KLF17: variants seen among roughly 807,000 people sequenced by gnomAD.
KLF17 encodes the protein KLF transcription factor 17.
In KLF17, 31 loss-of-function variants were observed where a neutral mutation model predicts 34.2. The observed-to-expected ratio is 0.91, with a 90% CI of 0.68 to 1.22. KLF17 has a LOEUF of 1.22. Ranked by LOEUF, KLF17 falls within the 50% of genes most tolerant of loss-of-function variation. KLF17 has a pLI of 0.00. For missense variants in KLF17, 478 were observed against 505.2 expected, an observed-to-expected ratio of 0.95 and a Z score of 0.52; for synonymous variants, 179 against 186.7, an observed-to-expected ratio of 0.96 and a Z score of 0.34.
the KLF17 span, among the ~76,000 whole-genome samples, chr1:44,070,555 C>T: frequency 1.4e-5 from 2 of 143,770 alleles, no homozygotes; most frequent in African/African-American, 5.1e-5. Flanking sequence ...AAAATCCATT[C>T]TACCCCACAT....
upstream of KLF17, among the ~76,000 whole-genome samples, chr1:44,118,365 G>C (rs1260669876): frequency 1.3e-5 from 2 of 152,172 alleles, no homozygotes; most frequent in South Asian, 2.1e-4. Flanking sequence ...TCTTCAGTTC[G>C]TACAGACAAG....
rs2088152788 is a variant in KLF17, at chr1:44,135,048, TAA to T, written c.*1816_*1817del. 6.6e-6 allele frequency: 1 copy of T among 151,886 alleles called. No individual in the cohort carries two copies. The highest frequency in any genetic ancestry group is 2.1e-4 in the South Asian group (1 of 4,816). The allele number at this position is 151,886 out of a possible 1,614,324, so 9.4% of individuals were successfully genotyped here. On this transcript the variant is annotated 3_prime_UTR_variant, in exon 4 of 4. Coordinates refer to ENST00000372299, the MANE Select transcript of KLF17 (RefSeq NM_173484.4). The stretch of plus-strand genomic sequence containing the variant: ...AAAAAAAAGGAAAAAAGAAAAATAA[TAA>T]AAAATAATAAAAATCCTTAGGATAA...
intron 1 of KLF17, among the ~76,000 whole-genome samples, chr1:44,123,515 C>T (rs1035958903): frequency 1.8e-4 from 28 of 152,088 alleles, no homozygotes; most frequent in Admixed American, 1.7e-3. Flanking sequence ...TTTCTTTTTC[C>T]TTAGTTGATC....
chr1:44,114,139 G>A (rs181619229), upstream of KLF17: 2 of 152,316 alleles, frequency 1.3e-5, no homozygotes, highest in African/African-American at 4.8e-5. Context: ...AGGCTGAAAG[G>A]TGGGGCTGGC....
upstream of KLF17, among the ~76,000 whole-genome samples, chr1:44,118,274 A>G (rs1176589998): frequency 6.6e-6 from 1 of 152,200 alleles, no homozygotes; most frequent in African/African-American, 2.4e-5. Flanking sequence ...TTTTACCCCT[A>G]GTTCAGAGAT....
the KLF17 span, chr1:44,103,705 C>T: frequency 6.3e-7 from 1 of 1,581,518 alleles, no homozygotes; most frequent in South Asian, 1.1e-5. Context: ...TGGAGGGCGG[C>T]CTCCAGCTCG....
chr1:44,069,512 G>GAGAGAGAGAGAGAGAGA, the KLF17 span, among the ~76,000 whole-genome samples: 74 of 114,602 alleles, frequency 6.5e-4, no homozygotes, highest in African/African-American at 2.2e-3. The surrounding 1 kb of genome is among the most constrained non-coding windows in gnomAD (Gnocchi z 4.7). Context: ...GAGAGAGAGA[G>GAGAGAGAGAGAGAGAGA]AAGACAGGAG....
rs771953734 is a variant in KLF17, at chr1:44,129,509, C to A, written c.238C>A (p.Gln80Lys). 3.7e-6 allele frequency: 6 copies of A among 1,612,862 alleles called. No homozygotes were observed. The highest frequency in any genetic ancestry group is 5.1e-6 in the Non-Finnish European group (6 of 1,179,318). Reference protein sequence around the residue: ...SPLVSVEAPGQNVNEGGPQFS... With the variant: ...SPLVSVEAPGKNVNEGGPQFS... ...TTTGGTGTCTGTTGAGGCGCCGGGG[C>A]AGAATGTGAATGAAGGGGGGCCACA... The change falls in exon 2 of 4, where the codon CAG becomes AAG. Residue 80 changes from glutamine (Q) to lysine (K), a missense_variant. By Grantham distance (53) the Gln-to-Lys change is moderately conservative. Transcript: ENST00000372299.
the KLF17 span, chr1:44,069,932 T>C: frequency 6.6e-6 from 1 of 152,274 alleles, no homozygotes; most frequent in Non-Finnish European, 1.5e-5. The surrounding 1 kb of genome is among the most constrained non-coding windows in gnomAD (Gnocchi z 4.7). Flanking sequence ...GCCGCTGTGC[T>C]CGGTGGGTGT....
At position 44,133,541 on chromosome 1, in the gene KLF17, A is replaced by G. The variant is rs749222855; in HGVS notation, c.*304A>G. On this transcript the variant is annotated 3_prime_UTR_variant, in exon 4 of 4. Coordinates refer to ENST00000372299, the MANE Select transcript of KLF17 (RefSeq NM_173484.4). ...ATGTCTATCTTCTGGAAACTATGGC[A>G]TGGACAGTAAGGATTCAGAAGTGCA... The G allele has an allele frequency of 2.0e-5, 3 of 152,230 alleles. No individual in the cohort carries two copies. The highest frequency in any genetic ancestry group is 6.5e-5 in the Admixed American group (1 of 15,286). The allele number at this position is 152,230 out of a possible 1,614,324, so 9.4% of individuals were successfully genotyped here.
intron 1 of KLF17, among the ~76,000 whole-genome samples, chr1:44,126,706 G>A (rs1261077056): frequency 6.6e-6 from 1 of 151,986 alleles, no homozygotes; most frequent in Non-Finnish European, 1.5e-5. Flanking sequence ...TCCCAGTCTT[G>A]GAGTCAGGAA....
chr1:44,058,820 C>T, the KLF17 span, among the ~76,000 whole-genome samples: 6 of 151,456 alleles, frequency 4.0e-5, no homozygotes, highest in Admixed American at 2.6e-4. Flanking sequence ...TGAAGAGACA[C>T]GTAGAATGCT....
chr1:44,118,764 G>C (rs918500393), upstream of KLF17: 2 of 617,496 alleles, frequency 3.2e-6, no homozygotes, highest in Non-Finnish European at 5.3e-6. Flanking sequence ...GGACGGGTGG[G>C]GCCTGACCCC....
chr1:44,077,138 A>G, the KLF17 span, among the ~76,000 whole-genome samples: 2 of 152,022 alleles, frequency 1.3e-5, no homozygotes, highest in South Asian at 4.2e-4. Context: ...TTAGATCAGG[A>G]GTTCAAGACC....
chr1:44,126,016 TTTGTTTTG>T (rs1183223208), intron 1 of KLF17, among the ~76,000 whole-genome samples: 4 of 144,292 alleles, frequency 2.8e-5, no homozygotes, highest in African/African-American at 1.2e-4. Context: ...TTTTTTTTGT[TTTGTTTTG>T]TTTTGTTTTG....
chr1:44,122,058 C>T (rs2087952370), intron 1 of KLF17: 94 of 758,418 alleles, frequency 1.2e-4, no homozygotes, highest in Middle Eastern at 3.8e-4. Flanking sequence ...TTTTTTTGTC[C>T]CACTTTTATG....
chr1:44,098,632 G>T, the KLF17 span, among the ~76,000 whole-genome samples: 1 of 145,424 alleles, frequency 6.9e-6, no homozygotes, highest in Non-Finnish European at 1.5e-5. Context: ...CTCACTGCAA[G>T]CTCTGCCTCC....
At chr1:44,124,610 T>G (rs1409780198) in intron 1 of KLF17, among the ~76,000 whole-genome samples, 2 of 151,172 alleles carry the variant, frequency 1.3e-5, no homozygotes, top group Admixed American at 1.3e-4. Context: ...TTCTCCTGCC[T>G]CAGCCTCCCG....
the KLF17 span, chr1:44,105,300 T>A: frequency 6.6e-6 from 1 of 152,084 alleles, no homozygotes; most frequent in Non-Finnish European, 1.5e-5. Context: ...TAAATTCTAA[T>A]TTTTGAAGTG....
Sources: allele counts gnomAD v4.1 joint callset (sites outside exome capture counted in the v4.1 genomes callset), GRCh38; gene constraint gnomAD v4.1.1; non-coding constraint Gnocchi (gnomAD v3.1); transcripts MANE v1.5; gene names NCBI Gene and HGNC (gene_info 2026-07-23, HGNC 2026-07-21).